Variants in RANBP17 observed in about 807,000 individuals in gnomAD.
The protein encoded by RANBP17 is RAN binding protein 17.
Under a neutral mutation model 141.2 loss-of-function variants are expected in RANBP17, and 158 were observed. The observed-to-expected ratio is 1.12, with a 90% CI of 0.98 to 1.28. The LOEUF (loss-of-function observed/expected upper bound fraction) is 1.28, where lower values mean the gene tolerates loss of function less well. Among genes scored for constraint, RANBP17 ranks in the 50% most tolerant of loss-of-function variants. The pLI is 0.00. For synonymous variants in RANBP17, 430 were observed against 450.0 expected, an observed-to-expected ratio of 0.96 and a Z score of 0.56; for missense variants, 1,438 against 1,290.7, an observed-to-expected ratio of 1.11 and a Z score of -1.75.
In RANBP17 at chr5:171,242,696, G is replaced by A. The variant is rs1764963083; in HGVS notation, c.2652G>A (p.Leu884=). 1.9e-6 allele frequency: 3 copies of A among 1,613,526 alleles called. No homozygotes were observed. The African/African-American group carries it at 4.0e-5, about 22-fold the overall frequency. The change falls in exon 24 of 28, where the codon CTG becomes CTA. Residue 884 remains leucine, a synonymous_variant. Coordinates refer to ENST00000523189, the MANE Select transcript of RANBP17 (RefSeq NM_022897.5). ...CTGTGTTGTAGCAATACCGGAAACT[G>A]AGCCAGTCTTATTATCCACTCCTGG... The part of the protein sequence containing the change: ...SHSDLLQYRK[L]SQSYYPLLEC...
chr5:171,143,277 A>G (rs147108371), intron 14 of RANBP17: 17 of 152,332 alleles, frequency 1.1e-4, no homozygotes, highest in Admixed American at 5.9e-4. Context: ...ATTGAATAAC[A>G]TCATGGAATC....
Position 170,926,195 on chromosome 5 carries a change from T to TG in RANBP17, c.1468+1645_1468+1646insG, listed in dbSNP as rs1360942498. Among the ~76,000 whole-genome samples the TG allele has an allele frequency of 4.6e-5, 4 of 86,340 alleles. No individual in the cohort carries two copies. In the East Asian group the frequency reaches 2.0e-3, roughly 43 times the overall value. 56.6% of individuals were successfully genotyped at this position (86,340 alleles called of 152,430 possible). On this transcript the variant is annotated intron_variant, in intron 12 of 27. Coordinates refer to ENST00000523189, the MANE Select transcript of RANBP17 (RefSeq NM_022897.5). ...TCCATCGCAACTACTCAAGTCTGCCTTTAGCCAGGAAGCAGCCGTAGACCA... is the reference window on the plus strand; with the variant it reads ...TCCATCGCAACTACTCAAGTCTGCCTGTTAGCCAGGAAGCAGCCGTAGACCA...
At chr5:170,886,731 C>A (rs998274013) in intron 3 of RANBP17, among the ~76,000 whole-genome samples, 21 of 138,932 alleles carry the variant, frequency 1.5e-4, no homozygotes, top group African/African-American at 5.7e-4. Flanking sequence ...GATCTTGGCT[C>A]ACTCCTCCCT....
At position 171,081,051 on chromosome 5, in the gene RANBP17, A is replaced by C. The variant is rs185094080; in HGVS notation, c.1711-89079A>C. Among the ~76,000 whole-genome samples, 252 of 152,282 alleles carry C rather than the reference A, an allele frequency of 1.7e-3. 2 individuals are homozygous for C. The highest frequency in any genetic ancestry group is 6.0e-3 in the African/African-American group (248 of 41,566). ...TTTGACCCCACTTTATAGATGACAA[A>C]ATTGGAGCCCAGAGGCTCTAAGTTC... On this transcript the variant is annotated intron_variant, in intron 14 of 27. Transcript: ENST00000523189.
At chr5:171,239,602 AC>A (rs1764737767) in intron 22 of RANBP17, among the ~76,000 whole-genome samples, 1 of 152,194 alleles carries the variant, frequency 6.6e-6, no homozygotes, top group African/African-American at 2.4e-5. Context: ...AATGGCATAG[AC>A]AAGTTGGAAT....
intron 16 of RANBP17, among the ~76,000 whole-genome samples, chr5:171,176,088 A>G (rs1760466305): frequency 6.6e-6 from 1 of 152,070 alleles, no homozygotes; most frequent in Non-Finnish European, 1.5e-5. Context: ...AATTCCTTCC[A>G]TTTGGCCTCA....
intron 3 of RANBP17, among the ~76,000 whole-genome samples, chr5:170,888,792 T>C (rs1769366179): frequency 6.6e-6 from 1 of 152,112 alleles, no homozygotes. Context: ...GTGAGAAAGC[T>C]TCAAGTTTCT....
intron 1 of RANBP17, among the ~76,000 whole-genome samples, chr5:170,869,943 T>G (rs1384129510): frequency 3.3e-5 from 5 of 152,200 alleles, no homozygotes; most frequent in Non-Finnish European, 5.9e-5. Context: ...CCTATGAGAT[T>G]GGCACTGTTA....
intron 14 of RANBP17, among the ~76,000 whole-genome samples, chr5:171,137,167 A>C (rs1008442124): frequency 1.3e-5 from 2 of 152,130 alleles, no homozygotes; most frequent in Non-Finnish European, 2.9e-5. Context: ...CTTAATATAT[A>C]TTTTTCCACA....
chr5:171,237,863 A>G (rs1002952962), intron 22 of RANBP17, among the ~76,000 whole-genome samples: 15 of 152,206 alleles, frequency 9.9e-5, no homozygotes, highest in Admixed American at 5.9e-4. Context: ...ATACCTAGAG[A>G]GGAAGATCAA....
At chr5:171,167,651 A>G (rs981061954) in intron 14 of RANBP17, among the ~76,000 whole-genome samples, 1 of 152,192 alleles carries the variant, frequency 6.6e-6, no homozygotes, top group African/African-American at 2.4e-5. Flanking sequence ...TTTGTTAAAC[A>G]AACGTGCCTT....
In RANBP17 at chr5:171,251,903, A is replaced by T. The variant is rs1263288395; in HGVS notation, c.2776+9083A>T. ...TTAGAGAAGGAGATTGGTCCAGAACAGTTTCCAGTGAATGAGCACTATTTT... is the reference window on the plus strand; with the variant it reads ...TTAGAGAAGGAGATTGGTCCAGAACTGTTTCCAGTGAATGAGCACTATTTT... On this transcript the variant is annotated intron_variant, in intron 24 of 27. Coordinates refer to ENST00000523189, the MANE Select transcript of RANBP17 (RefSeq NM_022897.5). 3.8e-6 allele frequency: 6 copies of T among 1,568,392 alleles called. No homozygotes were observed. In the African/African-American group the frequency reaches 8.1e-5, roughly 21 times the overall value.
At chr5:171,119,173 A>G (rs1031617232) in intron 14 of RANBP17, among the ~76,000 whole-genome samples, 1 of 152,190 alleles carries the variant, frequency 6.6e-6, no homozygotes, top group African/African-American at 2.4e-5. Flanking sequence ...GATGTGACAT[A>G]TCTCATTTGT....
chr5:171,100,151 A>C, intron 14 of RANBP17, among the ~76,000 whole-genome samples: 1 of 151,942 alleles, frequency 6.6e-6, no homozygotes, highest in Non-Finnish European at 1.5e-5. Flanking sequence ...CTCTTTTTCT[A>C]TTGTTTGGAA....
At chr5:170,952,026 T>G (rs539801246) in intron 12 of RANBP17, among the ~76,000 whole-genome samples, 1 of 151,932 alleles carries the variant, frequency 6.6e-6, no homozygotes, top group South Asian at 2.1e-4. Context: ...AAATATTAAG[T>G]AGAAATGAGG....
chr5:171,171,377 G>T, intron 16 of RANBP17, 91 bp downstream of exon 16: 2 of 714,142 alleles, frequency 2.8e-6, no homozygotes, highest in Non-Finnish European at 4.5e-6. Flanking sequence ...TATAATTTTT[G>T]CAATTTTTTA....
chr5:171,056,135 G>A (rs989123406), intron 14 of RANBP17, among the ~76,000 whole-genome samples: 1 of 152,042 alleles, frequency 6.6e-6, no homozygotes, highest in African/African-American at 2.4e-5. Flanking sequence ...TAAGCAAAAA[G>A]CCAAAAAAGA....
chr5:171,247,149 A>G (rs1400367605), intron 24 of RANBP17, among the ~76,000 whole-genome samples: 1 of 152,236 alleles, frequency 6.6e-6, no homozygotes, highest in Non-Finnish European at 1.5e-5. Flanking sequence ...CCTAGGAATC[A>G]TTCAAACTCT....
chr5:171,117,580 G>A (rs868035050), intron 14 of RANBP17, among the ~76,000 whole-genome samples: 13 of 152,038 alleles, frequency 8.6e-5, no homozygotes, highest in South Asian at 2.1e-4. Flanking sequence ...TGCAGCCTCC[G>A]CCTCCCAGGT....
Sources: gnomAD v4.1 joint callset for allele counts (sites outside exome capture counted in the v4.1 genomes callset) on GRCh38, gnomAD v4.1.1 for gene constraint, MANE v1.5 for transcripts, NCBI Gene and HGNC (gene_info 2026-07-23, HGNC 2026-07-21) for gene names.